The following DMD variants were observed in gnomAD, a reference collection of about 807,000 sequenced individuals.
DMD encodes the protein dystrophin, also known as mutant dystrophin.
Under a neutral mutation model 330.1 loss-of-function variants are expected in DMD, and 63 were observed. That is an observed-to-expected ratio of 0.19 (90% confidence interval 0.16 to 0.24). The LOEUF is 0.24. Among genes scored for constraint, DMD ranks in the 10% least tolerant of loss-of-function variants. DMD has a pLI of 1.00. For synonymous variants in DMD, 1,223 were observed against 959.8 expected (o/e 1.27, Z -5.07); for missense variants, 3,344 against 2,684.1 (o/e 1.25, Z -5.43).
chrX:31,342,048 G>C (rs1272993317), intron 61 of DMD, among the ~76,000 whole-genome samples: 1 of 110,471 alleles, frequency 9.1e-6, no homozygotes, highest in Non-Finnish European at 1.9e-5. Context: ...AAAATTGTTG[G>C]TTGTAAGTCA....
chrX:31,887,165 C>T (rs2094166860), intron 47 of DMD, among the ~76,000 whole-genome samples: 1 of 111,900 alleles, frequency 8.9e-6, no homozygotes, highest in Non-Finnish European at 1.9e-5. Flanking sequence ...AGAAAATATA[C>T]TATATGAGTG....
At chrX:32,788,330 G>A (rs2075564315) in intron 7 of DMD, among the ~76,000 whole-genome samples, 1 of 111,348 alleles carries the variant, frequency 9.0e-6, no homozygotes, top group African/African-American at 3.3e-5. Flanking sequence ...AATATTGGTG[G>A]GAAATTAATG....
At chrX:31,345,964 A>T (rs1246542674) in intron 61 of DMD, among the ~76,000 whole-genome samples, 1 of 111,427 alleles carries the variant, frequency 9.0e-6, no homozygotes, top group African/African-American at 3.3e-5. Context: ...GTTCAAAAAG[A>T]CAACAGCCAA....
At chrX:31,581,695 TA>T (rs1342064337) in intron 55 of DMD, among the ~76,000 whole-genome samples, 1 of 112,371 alleles carries the variant, frequency 8.9e-6, no homozygotes, top group African/African-American at 3.2e-5. Flanking sequence ...TTCATCTATG[TA>T]AAAACACATT....
At chrX:32,827,752 C>T (rs1028092939) in intron 4 of DMD, among the ~76,000 whole-genome samples, 8 of 108,859 alleles carry the variant, frequency 7.3e-5, no homozygotes, top group African/African-American at 2.7e-4. Context: ...CCTCCGCCTC[C>T]CGAGTTTCAA....
intron 1 of DMD, among the ~76,000 whole-genome samples, chrX:33,287,701 T>C (rs965596570): frequency 9.0e-6 from 1 of 111,379 alleles, no homozygotes; most frequent in Non-Finnish European, 1.9e-5. Flanking sequence ...AGGAGTAGAA[T>C]GTAGAGCACT....
intron 55 of DMD, among the ~76,000 whole-genome samples, chrX:31,608,402 T>C (rs914389475): frequency 8.9e-6 from 1 of 111,830 alleles, no homozygotes; most frequent in African/African-American, 3.2e-5. Context: ...AAATAAAATA[T>C]AATGACATCA....
At chrX:33,015,454 C>G (rs2093783180) in intron 2 of DMD, among the ~76,000 whole-genome samples, 1 of 110,560 alleles carries the variant, frequency 9.0e-6, no homozygotes, top group Non-Finnish European at 1.9e-5. Context: ...TAGGTGGGAG[C>G]TAAATGATGA....
At chrX:32,047,745 G>GAT (rs1166550139) in intron 44 of DMD, among the ~76,000 whole-genome samples, 2 of 111,020 alleles carry the variant, frequency 1.8e-5, no homozygotes, top group African/African-American at 6.5e-5. Flanking sequence ...AAAATTTACA[G>GAT]ATTATGTATT....
intron 60 of DMD, among the ~76,000 whole-genome samples, chrX:31,363,469 T>C (rs1162255821): frequency 9.8e-6 from 1 of 101,793 alleles, no homozygotes; most frequent in African/African-American, 3.6e-5. Context: ...CAACTTCCGC[T>C]TCCCGGGTTC....
intron 52 of DMD, among the ~76,000 whole-genome samples, chrX:31,710,842 A>G (rs1438725574): frequency 9.0e-6 from 1 of 110,681 alleles, no homozygotes; most frequent in African/African-American, 3.3e-5. Flanking sequence ...TATGATATGA[A>G]CTCTATCAAT....
At chrX:32,457,056 AG>A (rs199953831) in intron 25 of DMD, among the ~76,000 whole-genome samples, 1 of 106,097 alleles carries the variant, frequency 9.4e-6, no homozygotes, top group African/African-American at 3.5e-5. Flanking sequence ...GGGTGGTAAT[AG>A]GGGGAAAAAA....
At chrX:31,239,362 G>T (rs570880027) in intron 63 of DMD, among the ~76,000 whole-genome samples, 6 of 111,981 alleles carry the variant, frequency 5.4e-5, no homozygotes, top group African/African-American at 1.9e-4. Context: ...TTAAGAAAAT[G>T]AAATACATGG....
intron 9 of DMD, among the ~76,000 whole-genome samples, chrX:32,693,513 C>T (rs368020979): frequency 2.7e-5 from 3 of 111,823 alleles, no homozygotes; most frequent in East Asian, 5.7e-4. Flanking sequence ...GATCTCAGCT[C>T]ACTGCAACCT....
chrX:32,135,831 T>C lies in DMD; in HGVS notation c.6438+81085A>G, dbSNP rs186482452. Among the ~76,000 whole-genome samples, 467 of 112,793 alleles carry C rather than the reference T, an allele frequency of 4.1e-3. 2 individuals carry two copies. The highest frequency in any genetic ancestry group is 6.9e-3 in the Non-Finnish European group (370 of 53,360). ...TATATACCTTATTTAATGCTAATGG[T>C]ATCTAATTTGCAGCTATCGTTACTA... On this transcript the variant is annotated intron_variant, in intron 44 of 78. Transcript: ENST00000357033.
chrX:31,912,375 A>G (rs2094558764), intron 47 of DMD, among the ~76,000 whole-genome samples: 1 of 111,128 alleles, frequency 9.0e-6, no homozygotes, highest in Non-Finnish European at 1.9e-5. Flanking sequence ...CTCATCTGCC[A>G]TATTTACCTG....
chrX:32,800,994 A>G (rs1372761629), intron 7 of DMD, among the ~76,000 whole-genome samples: 1 of 111,202 alleles, frequency 9.0e-6, no homozygotes, highest in East Asian at 2.8e-4. Flanking sequence ...TATTGTGAAT[A>G]GTGCTGAAAT....
At chrX:33,145,793 C>A (rs1051028855) in intron 1 of DMD, among the ~76,000 whole-genome samples, 25 of 110,623 alleles carry the variant, frequency 2.3e-4, no homozygotes, top group African/African-American at 7.9e-4. Flanking sequence ...AGCTATAACT[C>A]ACACACCACA....
intron 55 of DMD, among the ~76,000 whole-genome samples, chrX:31,510,073 A>G (rs921670169): frequency 8.9e-6 from 1 of 112,172 alleles, no homozygotes; most frequent in African/African-American, 3.2e-5. Flanking sequence ...ATGGTGATAC[A>G]GAGCTGTAAA....
Sources: allele counts gnomAD v4.1 joint callset (sites outside exome capture counted in the v4.1 genomes callset), GRCh38; gene constraint gnomAD v4.1.1; transcripts MANE v1.5; gene names NCBI Gene and HGNC (gene_info 2026-07-23, HGNC 2026-07-21).